NANOG: variants seen among roughly 807,000 people sequenced by gnomAD.
NANOG encodes homeobox protein NANOG.
A neutral mutation model predicts 17.7 loss-of-function variants in NANOG; 2 were observed. The ratio of observed to expected loss-of-function variants is 0.11; its 90% CI spans 0.05 to 0.36. NANOG has a LOEUF of 0.36. Ranked by LOEUF, NANOG falls within the 10% of genes least tolerant of loss-of-function variation. The pLI is 1.00. For synonymous variants in NANOG, 81 were observed against 124.7 expected, an observed-to-expected ratio of 0.65 and a Z score of 2.33; for missense variants, 174 against 362.1, an observed-to-expected ratio of 0.48 and a Z score of 4.22.
intron 1 of NANOG, 113 bp downstream of exon 1, chr12:7,789,878 A>C (rs1256273002): frequency 1.5e-5 from 17 of 1,108,662 alleles, no homozygotes; most frequent in Non-Finnish European, 2.2e-5. Context: ...TACTATAAAG[A>C]AGTGTTATTA....
Position 7,794,468 on chromosome 12 carries a change from G to C in NANOG, c.426G>C (p.Trp142Cys). 2 of 1,612,644 alleles carry C rather than the reference G, an allele frequency of 1.2e-6. No homozygotes were observed. The highest frequency in any genetic ancestry group is 1.7e-6 in the Non-Finnish European group (2 of 1,179,286). ...ATTTTTTCCTGCAGGTGAAGACCTG[G>C]TTCCAGAACCAGAGAATGAAATCTA... is the stretch of plus-strand genomic sequence containing the variant. ...LNLSYKQVKT[W>C]FQNQRMKSKR... Residue 142 changes from tryptophan (W) to cysteine (C), a missense_variant, in exon 3 of 4, where the codon TGG (tryptophan) becomes TGC (cysteine). Trp to Cys is a radical substitution (Grantham distance 215). Coordinates refer to ENST00000229307, the MANE Select transcript of NANOG (RefSeq NM_024865.4).
chr12:7,792,256 TGAA>T (rs1056270877), intron 1 of NANOG, among the ~76,000 whole-genome samples: 62 of 152,182 alleles, frequency 4.1e-4, no homozygotes, highest in African/African-American at 1.4e-3. Flanking sequence ...TAGGTGTTGA[TGAA>T]GATCATAAAC....
In NANOG at chr12:7,797,399, T is replaced by C. The variant is rs544570591; in HGVS notation, c.*2304T>C. ...TGAGATGGAACTTCACTTTTGTTACTCAGGCTGGAGCACAATGATGCAATC... is the reference window on the plus strand; with the variant it reads ...TGAGATGGAACTTCACTTTTGTTACCCAGGCTGGAGCACAATGATGCAATC... On this transcript the variant is annotated 3_prime_UTR_variant, in exon 4 of 4. Transcript: ENST00000229307. 5.7e-4 allele frequency: 84 copies of C among 147,968 alleles called. No individual in the cohort carries two copies. Among genetic ancestry groups the C allele is most frequent in the Middle Eastern group, 3.5e-3 (1 of 286 alleles). The allele number at this position is 147,968 out of a possible 1,614,324, so 9.2% of individuals were successfully genotyped here.
At chr12:7,793,614 C>T (rs923408658) in intron 2 of NANOG, among the ~76,000 whole-genome samples, 10 of 151,954 alleles carry the variant, frequency 6.6e-5, no homozygotes, top group Admixed American at 6.6e-5. Flanking sequence ...TATCTGTGTG[C>T]ATTCAATAAG....
In NANOG at chr12:7,797,139, C is replaced by T. The variant is rs1302206180; in HGVS notation, c.*2044C>T. 1 of 152,254 alleles carries T rather than the reference C, an allele frequency of 6.6e-6. No individual in the cohort carries two copies. The highest frequency in any genetic ancestry group is 2.4e-5 in the African/African-American group (1 of 41,432). The allele number at this position is 152,254 out of a possible 1,614,324, so 9.4% of individuals were successfully genotyped here. A position where few individuals can be genotyped will look rare whatever the true frequency, so the allele number is the denominator to read the frequency against. The stretch of plus-strand genomic sequence containing the variant: ...GCACAATCTTGGCTCACTGCAACCT[C>T]CGCCTCCTGGGTTCGAGCAATTCTC... On this transcript the variant is annotated 3_prime_UTR_variant, in exon 4 of 4. Coordinates refer to ENST00000229307, the MANE Select transcript of NANOG (RefSeq NM_024865.4).
intron 1 of NANOG, among the ~76,000 whole-genome samples, chr12:7,792,085 G>T (rs1338982180): frequency 1.3e-5 from 2 of 152,094 alleles, no homozygotes; most frequent in African/African-American, 4.8e-5. Context: ...TAGTAGAGAT[G>T]GGGTTTCACC....
chr12:7,794,735 G>C lies in NANOG; in HGVS notation c.558G>C (p.Leu186=). The C allele has an allele frequency of 6.4e-7, 1 of 1,567,170 alleles. No homozygotes were observed. Among genetic ancestry groups the C allele is most frequent in the Non-Finnish European group, 8.7e-7 (1 of 1,154,108 alleles). The change falls in exon 4 of 4, where the codon CTG becomes CTC. Residue 186 remains leucine (L), a synonymous_variant. Coordinates refer to ENST00000229307, the MANE Select transcript of NANOG (RefSeq NM_024865.4). The stretch of plus-strand genomic sequence containing the variant: ...ACTCTTCCTACCACCAGGGATGCCT[G>C]GTGAACCCGACTGGGAACCTTCCAA... ...SLYSSYHQGC[L]VNPTGNLPMW...
At chr12:7,792,539 C>T (rs540293414) in intron 1 of NANOG, among the ~76,000 whole-genome samples, 139 of 152,262 alleles carry the variant, frequency 9.1e-4, no homozygotes, top group Non-Finnish European at 1.6e-3. Flanking sequence ...TGGTGCCTGC[C>T]TGTAATCCCA....
chr12:7,795,169 C>A lies in NANOG; in HGVS notation c.*74C>A. 1 of 1,572,032 alleles carries A rather than the reference C, an allele frequency of 6.4e-7. No individual in the cohort carries two copies. Among genetic ancestry groups the A allele is most frequent in the Non-Finnish European group, 8.6e-7 (1 of 1,157,854 alleles). On this transcript the variant is annotated 3_prime_UTR_variant, in exon 4 of 4. Coordinates refer to ENST00000229307, the MANE Select transcript of NANOG (RefSeq NM_024865.4). Reference sequence around the variant, plus strand: ...ATCCTTCCTCTCCCCTCCTCCCATCCCTCATAGGATTTTTCTTGTTTGGAA... The same window carrying A: ...ATCCTTCCTCTCCCCTCCTCCCATCACTCATAGGATTTTTCTTGTTTGGAA...
intron 2 of NANOG, among the ~76,000 whole-genome samples, chr12:7,793,865 C>G (rs1438398968): frequency 6.6e-6 from 1 of 152,072 alleles, no homozygotes; most frequent in Non-Finnish European, 1.5e-5. Flanking sequence ...CCTCAGCCTC[C>G]CAAGTAGCTG....
At chr12:7,793,462 A>C (rs1862872114) in intron 2 of NANOG, among the ~76,000 whole-genome samples, 1 of 152,216 alleles carries the variant, frequency 6.6e-6, no homozygotes, top group African/African-American at 2.4e-5. Context: ...AAATCTTTCC[A>C]ACGTTTCCTT....
At position 7,792,934 on chromosome 12, in the gene NANOG, T is replaced by C; in HGVS notation, c.152-16T>C. 6.4e-7 allele frequency: 1 copy of C among 1,571,614 alleles called. No homozygotes were observed. Among genetic ancestry groups the C allele is most frequent in the Non-Finnish European group, 8.6e-7 (1 of 1,162,214 alleles). On this transcript the variant is annotated splice_polypyrimidine_tract_variant and intron_variant, in intron 1 of 3. Coordinates refer to ENST00000229307, the MANE Select transcript of NANOG (RefSeq NM_024865.4). ...AAAATTTTAGACAAAAGTGTCCTTT[T>C]ATTTGTTCCCAACAGTCTCTCCTCT...
At chr12:7,789,854 C>A in intron 1 of NANOG, 89 bp downstream of exon 1, 3 of 1,284,672 alleles carry the variant, frequency 2.3e-6, no homozygotes, top group Non-Finnish European at 3.3e-6. Context: ...CCCTCTTGAG[C>A]AATGATGGAC....
In NANOG at chr12:7,792,930, CT is replaced by C. The variant is rs1215885524; in HGVS notation, c.152-16del. The stretch of plus-strand genomic sequence containing the variant: ...TTGAAAAATTTTAGACAAAAGTGTC[CT>C]TTTATTTGTTCCCAACAGTCTCTCC... On this transcript the variant is annotated intron_variant, in intron 1 of 3. Transcript: ENST00000229307. 2 of 1,564,278 alleles carry C rather than the reference CT, an allele frequency of 1.3e-6. No homozygotes were observed. Among genetic ancestry groups the C allele is most frequent in the South Asian group, 2.4e-5 (2 of 82,870 alleles).
intron 1 of NANOG, among the ~76,000 whole-genome samples, chr12:7,791,506 C>A (rs1862840379): frequency 6.6e-6 from 1 of 152,024 alleles, no homozygotes; most frequent in Non-Finnish European, 1.5e-5. Context: ...TAGGATTTTC[C>A]CCAATTCTAA....
rs868137512 is a variant in NANOG at position 7,792,846 on chromosome 12, G to A, written c.152-104G>A. ...AATTGCTTCTTATTACTTAGATCTGGGGTTCTGGGAATTATCAAAGTACTT... is the reference window on the plus strand; with the variant it reads ...AATTGCTTCTTATTACTTAGATCTGAGGTTCTGGGAATTATCAAAGTACTT... On this transcript the variant is annotated intron_variant, in intron 1 of 3. Transcript: ENST00000229307. The A allele has an allele frequency of 6.7e-5, 79 of 1,187,120 alleles. 2 individuals are homozygous for A. The Middle Eastern group carries it at 2.4e-3, about 36-fold the overall frequency. The allele number at this position is 1,187,120 out of a possible 1,614,324, so 73.5% of individuals were successfully genotyped here. A position where few individuals can be genotyped will look rare whatever the true frequency, so the allele number is the denominator to read the frequency against.
At position 7,798,075 on chromosome 12, in the gene NANOG, C is replaced by G. The variant is rs1174269168; in HGVS notation, c.*2980C>G. ...TTAAAGTAACAATAATAACTACAGTCAAAAGCAGTAAGATTAGTGGGCCAG... is the reference window on the plus strand; with the variant it reads ...TTAAAGTAACAATAATAACTACAGTGAAAAGCAGTAAGATTAGTGGGCCAG... On this transcript the variant is annotated 3_prime_UTR_variant, in exon 4 of 4. Transcript: ENST00000229307. 1 of 151,952 alleles carries G rather than the reference C, an allele frequency of 6.6e-6. No individual in the cohort carries two copies. Among genetic ancestry groups the G allele is most frequent in the African/African-American group, 2.4e-5 (1 of 41,350 alleles). The allele number at this position is 151,952 out of a possible 1,614,324, so 9.4% of individuals were successfully genotyped here. A position where few individuals can be genotyped will look rare whatever the true frequency, so the allele number is the denominator to read the frequency against.
intron 1 of NANOG, among the ~76,000 whole-genome samples, chr12:7,792,065 T>C (rs1862848444): frequency 6.6e-6 from 1 of 152,148 alleles, no homozygotes; most frequent in Non-Finnish European, 1.5e-5. Flanking sequence ...TGGCTAATTT[T>C]TGTAATTTTT....
chr12:7,789,525 T>C lies in NANOG; in HGVS notation c.-90T>C. 8.4e-7 allele frequency: 1 copy of C among 1,185,576 alleles called. No individual in the cohort carries two copies. The highest frequency in any genetic ancestry group is 1.2e-6 in the Non-Finnish European group (1 of 817,740). 73.4% of individuals were successfully genotyped at this position (1,185,576 alleles called of 1,614,324 possible). On this transcript the variant is annotated 5_prime_UTR_variant, in exon 1 of 4. Coordinates refer to ENST00000229307, the MANE Select transcript of NANOG (RefSeq NM_024865.4). ...CTTTTCCTTCTGGAGGTCCTATTTCTCTAACATCTTCCAGAAAAGTCTTAA... is the reference window on the plus strand; with the variant it reads ...CTTTTCCTTCTGGAGGTCCTATTTCCCTAACATCTTCCAGAAAAGTCTTAA...
Sources: gnomAD v4.1 joint callset for allele counts (sites outside exome capture counted in the v4.1 genomes callset) on GRCh38, gnomAD v4.1.1 for gene constraint, MANE v1.5 for transcripts, NCBI Gene and HGNC (gene_info 2026-07-23, HGNC 2026-07-21) for gene names.